The following FOXO3 variants were observed in gnomAD, a reference collection of about 807,000 sequenced individuals.
The protein encoded by FOXO3 is forkhead box protein O3.
Under a neutral mutation model 41.9 loss-of-function variants are expected in FOXO3, and 4 were observed. The ratio of observed to expected loss-of-function variants is 0.10; its 90% CI spans 0.05 to 0.22. The LOEUF (loss-of-function observed/expected upper bound fraction) is 0.22, where lower values mean the gene tolerates loss of function less well. FOXO3 is among the 10% of genes least tolerant of loss of function. The probability of loss-of-function intolerance (pLI) is 1.00; values close to 1 mark genes in which losing one functional copy is unlikely to be tolerated. For missense variants in FOXO3, 534 were observed against 906.8 expected, an observed-to-expected ratio of 0.59 and a Z score of 5.28; for synonymous variants, 318 against 389.3, an observed-to-expected ratio of 0.82 and a Z score of 2.16.
intron 1 of FOXO3, among the ~76,000 whole-genome samples, chr6:108,573,684 C>G (rs1053917186): frequency 1.3e-5 from 2 of 152,036 alleles, no homozygotes; most frequent in Non-Finnish European, 2.9e-5. Context: ...AAAAAATTAG[C>G]TGGGTGTGGT....
At chr6:108,568,977 C>G (rs1305921822) in intron 1 of FOXO3, among the ~76,000 whole-genome samples, 1 of 152,196 alleles carries the variant, frequency 6.6e-6, no homozygotes, top group South Asian at 2.1e-4. Context: ...TGTAAACCCG[C>G]TATTTGTATC....
At position 108,682,840 on chromosome 6, in the gene FOXO3, A is replaced by G. The variant is rs1770919007; in HGVS notation, c.*3048A>G. On this transcript the variant is annotated 3_prime_UTR_variant, in exon 3 of 3. Coordinates refer to ENST00000406360, the MANE Select transcript of FOXO3 (RefSeq NM_001455.4). ...CTATCCGAGGCCACCCTTGGCCTCT[A>G]AATAAGCTGCTCTAGGGAGCCGCCT... The G allele has an allele frequency of 6.6e-6, 1 of 152,606 alleles. No homozygotes were observed. The highest frequency in any genetic ancestry group is 6.5e-5 in the Admixed American group (1 of 15,288). The allele number at this position is 152,606 out of a possible 1,614,324, so 9.5% of individuals were successfully genotyped here.
At chr6:108,610,811 T>A (rs911453687) in intron 1 of FOXO3, among the ~76,000 whole-genome samples, 1 of 152,212 alleles carries the variant, frequency 6.6e-6, no homozygotes, top group African/African-American at 2.4e-5. Context: ...TGCCTCCCTG[T>A]TTTGAAACTG....
chr6:108,598,173 C>T (rs983883755), intron 1 of FOXO3, among the ~76,000 whole-genome samples: 1 of 152,204 alleles, frequency 6.6e-6, no homozygotes, highest in African/African-American at 2.4e-5. Flanking sequence ...GTTCTCTCTG[C>T]TTTAATCTTT....
At chr6:108,593,826 C>T (rs1331220789) in intron 1 of FOXO3, among the ~76,000 whole-genome samples, 1 of 144,366 alleles carries the variant, frequency 6.9e-6, no homozygotes, top group Non-Finnish European at 1.5e-5. Context: ...AAGTGATTCT[C>T]CTGCCTCAGC....
intron 1 of FOXO3, among the ~76,000 whole-genome samples, chr6:108,652,117 T>C (rs996811917): frequency 3.9e-5 from 6 of 152,308 alleles, no homozygotes; most frequent in Admixed American, 6.5e-5. Context: ...CCAGGTGATA[T>C]TGGCTTGACG....
chr6:108,654,120 TAGG>T (rs1182128632), intron 1 of FOXO3, among the ~76,000 whole-genome samples: 1 of 151,702 alleles, frequency 6.6e-6, no homozygotes, highest in East Asian at 1.9e-4. Context: ...GGGCTAGAAA[TAGG>T]AGAGTTTGTG....
At chr6:108,582,867 T>C (rs1354644896) in intron 1 of FOXO3, among the ~76,000 whole-genome samples, 2 of 152,080 alleles carry the variant, frequency 1.3e-5, no homozygotes, top group Non-Finnish European at 2.9e-5. Context: ...CTGCTTTATG[T>C]CCCTAATGTT....
At position 108,561,833 on chromosome 6, in the gene FOXO3, C is replaced by T; in HGVS notation, c.621+4C>T. ...CAACAGCTCTGCCGGCTGGAAGGTG[C>T]GTACCCACCCCGGGCTGGCAGCAGG... On this transcript the variant is annotated splice_donor_region_variant and intron_variant, in intron 1 of 2. Coordinates refer to ENST00000406360, the MANE Select transcript of FOXO3 (RefSeq NM_001455.4). 1 of 1,544,944 alleles carries T rather than the reference C, an allele frequency of 6.5e-7. No individual in the cohort carries two copies. The highest frequency in any genetic ancestry group is 8.7e-7 in the Non-Finnish European group (1 of 1,146,348).
chr6:108,579,728 A>G (rs1776357152), intron 1 of FOXO3, among the ~76,000 whole-genome samples: 1 of 152,178 alleles, frequency 6.6e-6, no homozygotes, highest in African/African-American at 2.4e-5. Flanking sequence ...TCACTTTCAC[A>G]GAGGAGTAAA....
intron 2 of FOXO3, among the ~76,000 whole-genome samples, chr6:108,677,667 T>A (rs1770667821): frequency 6.6e-6 from 1 of 152,168 alleles, no homozygotes; most frequent in Non-Finnish European, 1.5e-5. Flanking sequence ...CACATAGTGA[T>A]GTTGGATGGT....
At chr6:108,636,988 T>C (rs1008676315) in intron 1 of FOXO3, among the ~76,000 whole-genome samples, 7 of 152,142 alleles carry the variant, frequency 4.6e-5, no homozygotes, top group Non-Finnish European at 1.0e-4. Flanking sequence ...CTTTCTGACA[T>C]GTAGGAATGG....
Position 108,589,086 on chromosome 6 carries a change from TAAG to T in FOXO3, c.621+27258_621+27260del, listed in dbSNP as rs569106964. 1.1e-3 allele frequency among the ~76,000 whole-genome samples: 175 copies of T among 152,310 alleles called. 1 individual carries two copies. The highest frequency in any genetic ancestry group is 0.01 in the Middle Eastern group (3 of 294). The stretch of plus-strand genomic sequence containing the variant: ...GGAGAAGTTTGATGCAAATCCGTCT[TAAG>T]GAGGAGAATGGAGGCTGTCATGGAG... On this transcript the variant is annotated intron_variant, in intron 1 of 2. Coordinates refer to ENST00000406360, the MANE Select transcript of FOXO3 (RefSeq NM_001455.4).
chr6:108,678,857 A>G (rs1471288151), intron 2 of FOXO3, among the ~76,000 whole-genome samples: 1 of 126,488 alleles, frequency 7.9e-6, no homozygotes, highest in East Asian at 2.3e-4. Flanking sequence ...GCAAGACCCC[A>G]TTTCTTAAAT....
rs1288398370 is a variant in FOXO3, at chr6:108,561,140, C to A, written c.-69C>A. On this transcript the variant is annotated 5_prime_UTR_variant, in exon 1 of 3. Transcript: ENST00000406360. Reference sequence around the variant, plus strand: ...CCTTCGCGGCGTCCACGTCCCTCCCCCGCTGCACCCCGCCCCGGCGCGAGA... The same window carrying A: ...CCTTCGCGGCGTCCACGTCCCTCCCACGCTGCACCCCGCCCCGGCGCGAGA... The A allele has an allele frequency of 2.7e-6, 4 of 1,483,752 alleles. No individual in the cohort carries two copies. Among genetic ancestry groups the A allele is most frequent in the African/African-American group, 1.5e-5 (1 of 68,504 alleles). 91.9% of individuals were successfully genotyped at this position (1,483,752 alleles called of 1,614,324 possible).
chr6:108,599,848 G>A (rs756513360), intron 1 of FOXO3, among the ~76,000 whole-genome samples: 5 of 152,132 alleles, frequency 3.3e-5, no homozygotes, highest in Non-Finnish European at 7.4e-5. Flanking sequence ...TTTGAAGGTG[G>A]ATTATCTCAT....
Position 108,560,930 on chromosome 6 carries a change from C to T in FOXO3, c.-279C>T. On this transcript the variant is annotated 5_prime_UTR_variant, in exon 1 of 3. Transcript: ENST00000406360. ...TGGCCGGGGGGCGGTGTCTGCTGCGCCAGGTTCGCTGGCCGCACGTCTTCA... is the reference window on the plus strand; with the variant it reads ...TGGCCGGGGGGCGGTGTCTGCTGCGTCAGGTTCGCTGGCCGCACGTCTTCA... 1 of 1,281,764 alleles carries T rather than the reference C, an allele frequency of 7.8e-7. No individual in the cohort carries two copies. Among genetic ancestry groups the T allele is most frequent in the Non-Finnish European group, 9.9e-7 (1 of 1,011,694 alleles). The allele number at this position is 1,281,764 out of a possible 1,614,324, so 79.4% of individuals were successfully genotyped here.
chr6:108,632,786 ACCT>A (rs2128376515), intron 1 of FOXO3, among the ~76,000 whole-genome samples: 1 of 152,308 alleles, frequency 6.6e-6, no homozygotes, highest in South Asian at 2.1e-4. Flanking sequence ...CCTGGTGGTC[ACCT>A]AAGTATTTTT....
chr6:108,600,404 G>A (rs536747499), intron 1 of FOXO3, among the ~76,000 whole-genome samples: 185 of 151,928 alleles, frequency 1.2e-3, no homozygotes, highest in Non-Finnish European at 1.3e-3. Flanking sequence ...AAAATTAGCC[G>A]GGTGTGGTGG....
Sources: gnomAD v4.1 joint callset for allele counts (sites outside exome capture counted in the v4.1 genomes callset) on GRCh38, gnomAD v4.1.1 for gene constraint, MANE v1.5 for transcripts, NCBI Gene and HGNC (gene_info 2026-07-23, HGNC 2026-07-21) for gene names.